The following RASGRP3 variants were observed in gnomAD, a reference collection of about 807,000 sequenced individuals.
RASGRP3 encodes the protein ras guanyl-releasing protein 3.
Under a neutral mutation model 82.7 loss-of-function variants are expected in RASGRP3, and 54 were observed. The ratio of observed to expected loss-of-function variants is 0.65; its 90% CI spans 0.52 to 0.82. The LOEUF is 0.82. RASGRP3 is among the 40% of genes least tolerant of loss of function. The probability of loss-of-function intolerance (pLI) is 0.00; values close to 1 mark genes in which losing one functional copy is unlikely to be tolerated. For missense variants in RASGRP3, 861 were observed against 828.9 expected (o/e 1.04, Z -0.48); for synonymous variants, 309 against 300.5 (o/e 1.03, Z -0.29).
chr2:33,497,354 A>G (rs1357444592), intron 1 of RASGRP3, among the ~76,000 whole-genome samples: 2 of 152,232 alleles, frequency 1.3e-5, no homozygotes, highest in Non-Finnish European at 2.9e-5. Flanking sequence ...GAACTTGCAG[A>G]CTTGTGAAAT....
At chr2:33,444,720 G>A (rs1163777387) in intron 1 of RASGRP3, among the ~76,000 whole-genome samples, 2 of 152,196 alleles carry the variant, frequency 1.3e-5, no homozygotes, top group African/African-American at 4.8e-5. Flanking sequence ...TGGAGATTTG[G>A]CTTATTAGAA....
chr2:33,563,797 T>TTTGA lies in RASGRP3; in HGVS notation c.*1063_*1066dup, dbSNP rs1259383212. On this transcript the variant is annotated 3_prime_UTR_variant, in exon 18 of 18. Transcript: ENST00000403687. ...AGAAAGAAAATAATCATAAATCATA[T>TTTGA]TTGATTAACATTTCATTTAAGCTTT... The TTTGA allele has an allele frequency of 9.8e-5, 15 of 152,294 alleles. No individual in the cohort carries two copies. The highest frequency in any genetic ancestry group is 1.5e-4 in the Non-Finnish European group (10 of 68,016). The allele number at this position is 152,294 out of a possible 1,614,324, so 9.4% of individuals were successfully genotyped here. A position where few individuals can be genotyped will look rare whatever the true frequency, so the allele number is the denominator to read the frequency against.
intron 2 of RASGRP3, among the ~76,000 whole-genome samples, chr2:33,469,434 CAT>C (rs1366208083): frequency 6.6e-6 from 1 of 151,180 alleles, no homozygotes; most frequent in Non-Finnish European, 1.5e-5. Flanking sequence ...TAAAACCAAT[CAT>C]GTGATTCTCT....
At chr2:33,537,198 T>TAC (rs956434868) in intron 11 of RASGRP3, among the ~76,000 whole-genome samples, 2 of 150,862 alleles carry the variant, frequency 1.3e-5, no homozygotes, top group African/African-American at 4.9e-5. Context: ...ATAGGATATA[T>TAC]ATATATATAT....
chr2:33,551,587 A>G (rs528123399), intron 14 of RASGRP3, among the ~76,000 whole-genome samples: 28 of 152,186 alleles, frequency 1.8e-4, no homozygotes, highest in African/African-American at 6.0e-4. Flanking sequence ...CTGTAGTCCC[A>G]GGTACTCAGG....
intron 13 of RASGRP3, among the ~76,000 whole-genome samples, chr2:33,548,575 G>A (rs1675059087): frequency 6.6e-6 from 1 of 151,942 alleles, no homozygotes; most frequent in Non-Finnish European, 1.5e-5. Context: ...CTCTGAGAGA[G>A]GACTCCCAAG....
intron 2 of RASGRP3, among the ~76,000 whole-genome samples, chr2:33,459,263 T>A (rs1227651559): frequency 1.3e-5 from 2 of 151,784 alleles, no homozygotes; most frequent in Non-Finnish European, 2.9e-5. Context: ...GCCTCCCGAG[T>A]AGCTGGGACT....
At chr2:33,471,341 A>ATTTTTTTT (rs70940204) in intron 2 of RASGRP3, among the ~76,000 whole-genome samples, 4 of 106,792 alleles carry the variant, frequency 3.7e-5, no homozygotes, top group African/African-American at 7.4e-5. Flanking sequence ...ACACTGGGCT[A>ATTTTTTTT]TTTTTTTTTT....
At chr2:33,440,305 T>A (rs1019885064) in intron 1 of RASGRP3, among the ~76,000 whole-genome samples, 9 of 152,224 alleles carry the variant, frequency 5.9e-5, no homozygotes, top group Non-Finnish European at 1.2e-4. Flanking sequence ...TCTGCAACCA[T>A]CTATCGGCAG....
intron 2 of RASGRP3, among the ~76,000 whole-genome samples, chr2:33,461,671 C>T (rs1558404120): frequency 6.6e-6 from 1 of 152,178 alleles, no homozygotes; most frequent in Non-Finnish European, 1.5e-5. Flanking sequence ...AATGTTAGAT[C>T]CTCATTCCTC....
intron 1 of RASGRP3, among the ~76,000 whole-genome samples, chr2:33,505,875 T>C (rs1047363315): frequency 2.0e-5 from 3 of 152,194 alleles, no homozygotes; most frequent in Non-Finnish European, 2.9e-5. Flanking sequence ...TGCAGCCAAA[T>C]GCTAGGAGAA....
intron 13 of RASGRP3, among the ~76,000 whole-genome samples, chr2:33,544,054 C>G (rs992662523): frequency 6.6e-6 from 1 of 152,192 alleles, no homozygotes; most frequent in Non-Finnish European, 1.5e-5. Context: ...TGACTCATGC[C>G]TGTAATCCCA....
chr2:33,516,885 G>T, intron 4 of RASGRP3: 1 of 362,140 alleles, frequency 2.8e-6, no homozygotes, highest in Non-Finnish European at 5.0e-6. Flanking sequence ...AATGAAGCAG[G>T]AACTGTAGGC....
rs1273094768 is a variant in RASGRP3, at chr2:33,563,780, A to AAT, written c.*1045_*1046dup. The AAT allele has an allele frequency of 5.9e-5, 9 of 152,234 alleles. No individual in the cohort carries two copies. The East Asian group carries it at 1.7e-3, about 29-fold the overall frequency. 9.4% of individuals were successfully genotyped at this position (152,234 alleles called of 1,614,324 possible). The stretch of plus-strand genomic sequence containing the variant: ...AATTAAAGAATACTCATAGAAAGAA[A>AAT]ATAATCATAAATCATATTTGATTAA... On this transcript the variant is annotated 3_prime_UTR_variant, in exon 18 of 18. Coordinates refer to ENST00000403687, the MANE Select transcript of RASGRP3 (RefSeq NM_001139488.2).
upstream of RASGRP3, among the ~76,000 whole-genome samples, chr2:33,471,836 C>G (rs924712434): frequency 6.6e-5 from 10 of 152,184 alleles, no homozygotes; most frequent in Admixed American, 5.9e-4. Flanking sequence ...GTATTCTCAT[C>G]ACTGAAACCT....
At chr2:33,453,131 G>A (rs73926648) in intron 2 of RASGRP3, among the ~76,000 whole-genome samples, 1 of 152,176 alleles carries the variant, frequency 6.6e-6, no homozygotes, top group Non-Finnish European at 1.5e-5. Flanking sequence ...CTGTACTGGG[G>A]TAGGCATGGC....
chr2:33,442,883 G>GTTTTTTTTT (rs55978823), intron 1 of RASGRP3, among the ~76,000 whole-genome samples: 1 of 138,566 alleles, frequency 7.2e-6, no homozygotes. Context: ...AATCACTATT[G>GTTTTTTTTT]TTTTTTTTTT....
At chr2:33,526,381 G>A (rs918917934) in intron 9 of RASGRP3, among the ~76,000 whole-genome samples, 2 of 152,202 alleles carry the variant, frequency 1.3e-5, no homozygotes, top group African/African-American at 4.8e-5. Flanking sequence ...ACAACAGGAA[G>A]TAAGCCACAG....
chr2:33,530,102 A>C (rs1033643273), intron 10 of RASGRP3, among the ~76,000 whole-genome samples: 3 of 152,202 alleles, frequency 2.0e-5, no homozygotes, highest in Admixed American at 6.5e-5. Context: ...TAGGAAGCAC[A>C]CACATATCTG....
Sources: gnomAD v4.1 joint callset for allele counts (sites outside exome capture counted in the v4.1 genomes callset) on GRCh38, gnomAD v4.1.1 for gene constraint, MANE v1.5 for transcripts, NCBI Gene and HGNC (gene_info 2026-07-23, HGNC 2026-07-21) for gene names.